DIS3L2: variants seen among roughly 807,000 people sequenced by gnomAD.
The protein encoded by DIS3L2 is DIS3 like 3'-5' exoribonuclease 2, also known as DIS3-like exonuclease 2.
Under a neutral mutation model 97.5 loss-of-function variants are expected in DIS3L2, and 34 were observed. The observed-to-expected ratio is 0.35, with a 90% CI of 0.27 to 0.46. The LOEUF (loss-of-function observed/expected upper bound fraction) is 0.46, where lower values mean the gene tolerates loss of function less well. DIS3L2 is among the 20% of genes least tolerant of loss of function. The probability of loss-of-function intolerance (pLI) is 1.00; values close to 1 mark genes in which losing one functional copy is unlikely to be tolerated. For synonymous variants in DIS3L2, 435 were observed against 445.2 expected, an observed-to-expected ratio of 0.98 and a Z score of 0.29; for missense variants, 1,038 against 1,146.0, an observed-to-expected ratio of 0.91 and a Z score of 1.36.
At chr2:232,133,454 C>T (rs1046655607) in intron 7 of DIS3L2, among the ~76,000 whole-genome samples, 5 of 152,086 alleles carry the variant, frequency 3.3e-5, no homozygotes, top group African/African-American at 9.7e-5. Context: ...TTAAATGAGA[C>T]CCAGAGTGTC....
At chr2:232,035,068 T>C (rs943852650) in intron 5 of DIS3L2, among the ~76,000 whole-genome samples, 5 of 152,286 alleles carry the variant, frequency 3.3e-5, no homozygotes, top group Admixed American at 6.5e-5. Context: ...TGACAGTGTC[T>C]TTTTGTCTTG....
At chr2:232,324,922 G>A (rs1038949948) in intron 14 of DIS3L2, among the ~76,000 whole-genome samples, 2 of 152,186 alleles carry the variant, frequency 1.3e-5, no homozygotes, top group Non-Finnish European at 2.9e-5. Context: ...GGCAGGGCCA[G>A]GAGAGGGGAG....
chr2:232,188,298 G>A (rs1324512086), intron 9 of DIS3L2, among the ~76,000 whole-genome samples: 6 of 152,154 alleles, frequency 3.9e-5, no homozygotes, highest in African/African-American at 1.4e-4. Context: ...AAATTAGGTA[G>A]GGATAATGAT....
intron 10 of DIS3L2, among the ~76,000 whole-genome samples, chr2:232,232,192 G>A (rs1469499511): frequency 6.6e-6 from 1 of 152,158 alleles, no homozygotes; most frequent in Non-Finnish European, 1.5e-5. Context: ...ATAGAGGATG[G>A]TGTGCAGGGG....
At chr2:232,032,450 T>C (rs1352576809) in intron 5 of DIS3L2, among the ~76,000 whole-genome samples, 5 of 152,206 alleles carry the variant, frequency 3.3e-5, no homozygotes, top group African/African-American at 4.8e-5. Context: ...ATTCTGTAGG[T>C]TGCCTGTTCA....
chr2:232,311,223 C>T (rs897925929), intron 14 of DIS3L2, among the ~76,000 whole-genome samples: 4 of 152,216 alleles, frequency 2.6e-5, no homozygotes, highest in Admixed American at 1.3e-4. Flanking sequence ...AGTGTACACA[C>T]ACAGGAACAC....
At chr2:232,270,880 C>CTTTCTCTT (rs757889141) in intron 13 of DIS3L2, among the ~76,000 whole-genome samples, 1 of 138,954 alleles carries the variant, frequency 7.2e-6, no homozygotes, top group Admixed American at 6.9e-5. Context: ...CTCTCTCTCT[C>CTTTCTCTT]TCTCTCTCTC....
At chr2:232,079,757 G>A (rs1296351736) in intron 5 of DIS3L2, among the ~76,000 whole-genome samples, 2 of 152,180 alleles carry the variant, frequency 1.3e-5, no homozygotes, top group Non-Finnish European at 2.9e-5. Flanking sequence ...CAAAACAAGA[G>A]GGCAGGCCCT....
intron 10 of DIS3L2, among the ~76,000 whole-genome samples, chr2:232,234,784 C>G (rs1010585728): frequency 6.6e-6 from 1 of 152,144 alleles, no homozygotes. Context: ...CCCATTAGAC[C>G]GAGAGCTCCT....
chr2:232,108,329 C>A (rs1021330241), intron 6 of DIS3L2, among the ~76,000 whole-genome samples: 1 of 152,208 alleles, frequency 6.6e-6, no homozygotes, highest in Non-Finnish European at 1.5e-5. Flanking sequence ...AACATCTCTT[C>A]ATGTTAAAAT....
At chr2:232,315,769 C>T (rs1695255078) in intron 14 of DIS3L2, among the ~76,000 whole-genome samples, 1 of 152,192 alleles carries the variant, frequency 6.6e-6, no homozygotes, top group Non-Finnish European at 1.5e-5. Context: ...TCAGAGCAAG[C>T]GCCCAGCTCA....
chr2:232,059,861 C>T (rs1262788610), intron 5 of DIS3L2, among the ~76,000 whole-genome samples: 1 of 152,112 alleles, frequency 6.6e-6, no homozygotes, highest in Non-Finnish European at 1.5e-5. Context: ...ATGTGTACCA[C>T]ATTTTCTTTA....
chr2:232,339,691 G>A (rs1286463510), downstream of DIS3L2: 1 of 456,402 alleles, frequency 2.2e-6, no homozygotes, highest in East Asian at 6.9e-5. Context: ...AGAACACTGA[G>A]CATGCAGGGC....
chr2:231,982,807 G>A (rs1036203802), intron 1 of DIS3L2, among the ~76,000 whole-genome samples: 4 of 151,824 alleles, frequency 2.6e-5, no homozygotes, highest in Admixed American at 6.6e-5. Flanking sequence ...AGCCTCCCAA[G>A]TAGCTGGGAT....
intron 10 of DIS3L2, among the ~76,000 whole-genome samples, chr2:232,227,822 T>C (rs1045156670): frequency 8.5e-5 from 13 of 152,218 alleles, no homozygotes; most frequent in Non-Finnish European, 1.9e-4. Flanking sequence ...TGGGATTGGA[T>C]TAAGCAGTTA....
At chr2:231,975,399 G>A (rs769059997) in intron 1 of DIS3L2, among the ~76,000 whole-genome samples, 6 of 151,776 alleles carry the variant, frequency 4.0e-5, no homozygotes, top group Non-Finnish European at 8.8e-5. Context: ...CAACTGAGAG[G>A]TTAAAAAAAA....
At chr2:232,141,829 T>C (rs1690054607) in intron 8 of DIS3L2, among the ~76,000 whole-genome samples, 1 of 152,164 alleles carries the variant, frequency 6.6e-6, no homozygotes, top group African/African-American at 2.4e-5. Flanking sequence ...TACATTCCAT[T>C]CAGTTTTGAT....
intron 8 of DIS3L2, among the ~76,000 whole-genome samples, chr2:232,144,397 C>G (rs553517609): frequency 6.6e-6 from 1 of 152,088 alleles, no homozygotes; most frequent in Admixed American, 6.6e-5. Flanking sequence ...TTCCTAATTA[C>G]TGATGAGGTT....
chr2:232,290,763 A>G (rs1694579054), intron 13 of DIS3L2, among the ~76,000 whole-genome samples: 1 of 152,248 alleles, frequency 6.6e-6, no homozygotes, highest in South Asian at 2.1e-4. Context: ...TGTGGGGTTT[A>G]CAGACGGCGC....
Sources: gnomAD v4.1 joint callset for allele counts (sites outside exome capture counted in the v4.1 genomes callset) on GRCh38, gnomAD v4.1.1 for gene constraint, MANE v1.5 for transcripts, NCBI Gene and HGNC (gene_info 2026-07-23, HGNC 2026-07-21) for gene names.